KLHL15: variants seen among roughly 807,000 people sequenced by gnomAD.
KLHL15 encodes the protein kelch-like protein 15.
Under a neutral mutation model 29.3 loss-of-function variants are expected in KLHL15, and 1 was observed. The ratio of observed to expected loss-of-function variants is 0.03; its 90% CI spans 0.01 to 0.16. The LOEUF is 0.16. Ranked by LOEUF, KLHL15 falls within the 10% of genes least tolerant of loss-of-function variation. The pLI is 1.00. For missense variants in KLHL15, 215 were observed against 478.5 expected, an observed-to-expected ratio of 0.45 and a Z score of 5.14; for synonymous variants, 212 against 184.5, an observed-to-expected ratio of 1.15 and a Z score of -1.21.
At chrX:24,000,463 A>AAAAT (rs1555975974) in intron 3 of KLHL15, among the ~76,000 whole-genome samples, 39 of 105,573 alleles carry the variant, frequency 3.7e-4, no homozygotes, top group African/African-American at 9.2e-4. Flanking sequence ...ACTCCATCTC[A>AAAAT]AAATAAATAA....
At chrX:24,011,415 G>A (rs1179454372) in intron 2 of KLHL15, among the ~76,000 whole-genome samples, 2 of 110,845 alleles carry the variant, frequency 1.8e-5, no homozygotes, top group Non-Finnish European at 3.8e-5. Flanking sequence ...GGACACCAAG[G>A]TAGGCGGATC....
intron 2 of KLHL15, among the ~76,000 whole-genome samples, chrX:24,016,998 C>G (rs1929700411): frequency 9.1e-6 from 1 of 110,320 alleles, no homozygotes; most frequent in Non-Finnish European, 1.9e-5. Flanking sequence ...GAACTAGTAG[C>G]TAGAAATAAA....
intron 2 of KLHL15, among the ~76,000 whole-genome samples, chrX:24,016,412 C>T (rs1396140586): frequency 6.8e-5 from 7 of 102,424 alleles, no homozygotes; most frequent in Non-Finnish European, 1.2e-4. Flanking sequence ...TGCCTGTAAT[C>T]CCAGCATATT....
At chrX:23,995,143 T>C (rs111831542) in intron 3 of KLHL15, among the ~76,000 whole-genome samples, 1,143 of 111,971 alleles carry the variant, frequency 0.01, 19 homozygotes, top group African/African-American at 0.035. Flanking sequence ...CACACAAATA[T>C]ATAAAGTTGG....
At position 24,009,306 on chromosome X, in the gene KLHL15, T is replaced by C. The variant is rs1023978929; in HGVS notation, c.-7-2606A>G. ...GAAGGTCAGGAGTTTGAGACCAGCC[T>C]GGCCAACATGGTGAAACCCCATCTC... On this transcript the variant is annotated intron_variant, in intron 2 of 3. Coordinates refer to ENST00000328046, the MANE Select transcript of KLHL15 (RefSeq NM_030624.3). Among the ~76,000 whole-genome samples the C allele has an allele frequency of 8.1e-5, 9 of 110,668 alleles. No homozygotes were observed. In the East Asian group the frequency reaches 2.6e-3, roughly 32 times the overall value.
Position 24,024,980 on chromosome X carries a change from G to A in KLHL15, c.-131C>T, listed in dbSNP as rs1929890637. On this transcript the variant is annotated 5_prime_UTR_variant, in exon 2 of 4. Transcript: ENST00000328046. ...CTCGGCAGGCTCCTCGGACGTCTAC[G>A]AGCAGCCGCTCCCGGCACGAGCCGG... is the stretch of plus-strand genomic sequence containing the variant. The A allele has an allele frequency of 3.4e-6, 1 of 297,296 alleles. No individual in the cohort carries two copies. Among genetic ancestry groups the A allele is most frequent in the African/African-American group, 2.7e-5 (1 of 37,028 alleles). The allele number at this position is 297,296 out of a possible 1,213,427, so 24.5% of individuals were successfully genotyped here.
intron 3 of KLHL15, among the ~76,000 whole-genome samples, chrX:23,993,664 C>G (rs1358234265): frequency 9.1e-6 from 1 of 110,199 alleles, no homozygotes; most frequent in African/African-American, 3.3e-5. Flanking sequence ...AAAGCTTCGA[C>G]TGACTATCCT....
chrX:23,988,189 T>C lies in KLHL15; in HGVS notation c.1547A>G (p.Asn516Ser), dbSNP rs1376402704. Residue 516 changes from asparagine (N) to serine (S), a missense_variant, in exon 4 of 4, where the codon AAC (asparagine) becomes AGC (serine). Transcript: ENST00000328046. ...SQGCPSTEVYNPETDQWTILA... is the reference protein window; with the variant it reads ...SQGCPSTEVYSPETDQWTILA... Reference sequence around the variant, plus strand: ...GATGGTCCACTGATCAGTCTCTGGGTTGTATACTTCTGTAGAAGGGCATCC... The same window carrying C: ...GATGGTCCACTGATCAGTCTCTGGGCTGTATACTTCTGTAGAAGGGCATCC... 8.3e-7 allele frequency: 1 copy of C among 1,211,880 alleles called. No homozygotes were observed. The highest frequency in any genetic ancestry group is 2.2e-5 in the Admixed American group (1 of 46,061).
At chrX:24,005,939 C>T in intron 3 of KLHL15, 50 bp downstream of exon 3, 1 of 947,429 alleles carries the variant, frequency 1.1e-6, no homozygotes, top group Middle Eastern at 3.8e-4. Flanking sequence ...AAGACATACA[C>T]TGCCTTAACT....
intron 2 of KLHL15, among the ~76,000 whole-genome samples, chrX:24,013,788 G>GC (rs1412818432): frequency 9.1e-6 from 1 of 110,041 alleles, no homozygotes. Context: ...CGGGAGGATT[G>GC]CTTGAGCCCA....
At chrX:23,990,641 G>C (rs1929063418) in intron 3 of KLHL15, among the ~76,000 whole-genome samples, 1 of 110,966 alleles carries the variant, frequency 9.0e-6, no homozygotes, top group African/African-American at 3.3e-5. Context: ...AAGATGAGCT[G>C]GTTTGGGAGA....
At position 24,009,801 on chromosome X, in the gene KLHL15, C is replaced by T. The variant is rs540792081; in HGVS notation, c.-7-3101G>A. Among the ~76,000 whole-genome samples the T allele has an allele frequency of 4.7e-4, 51 of 108,137 alleles. No homozygotes were observed. The South Asian group carries it at 0.018, about 39-fold the overall frequency. The allele number at this position is 108,137 out of a possible 115,157, so 93.9% of individuals were successfully genotyped here. ...GGTCAGGAGTTCAAGACCAGCCTGG[C>T]CAACATGGAGAAACCTCCTCTCTAC... is the stretch of plus-strand genomic sequence containing the variant. On this transcript the variant is annotated intron_variant, in intron 2 of 3. Coordinates refer to ENST00000328046, the MANE Select transcript of KLHL15 (RefSeq NM_030624.3).
intron 3 of KLHL15, among the ~76,000 whole-genome samples, chrX:23,999,095 G>A (rs1010771038): frequency 1.0e-4 from 11 of 109,393 alleles, no homozygotes; most frequent in Non-Finnish European, 1.5e-4. Context: ...TTTTAGTAGA[G>A]ACGGAGTTTC....
intron 3 of KLHL15, 40 bp from the exon 4 acceptor site, chrX:23,989,070 C>G: frequency 9.2e-7 from 1 of 1,084,753 alleles, no homozygotes; most frequent in Non-Finnish European, 1.2e-6. Flanking sequence ...AAGGAAAAAG[C>G]ATCAGCTGCA....
At chrX:24,008,880 AAAAC>A (rs1197264789) in intron 2 of KLHL15, among the ~76,000 whole-genome samples, 3 of 106,519 alleles carry the variant, frequency 2.8e-5, no homozygotes, top group South Asian at 4.1e-4. Flanking sequence ...AGAAAAAAAA[AAAAC>A]AAAACAAAAA....
chrX:23,991,080 C>T lies in KLHL15; in HGVS notation c.706-2050G>A, dbSNP rs149771973. On this transcript the variant is annotated intron_variant, in intron 3 of 3. Transcript: ENST00000328046. ...AGAGAAAACTAACATTGGCCAGGCA[C>T]GGTGGCTCATGCCTGTAATCTCAGC... is the stretch of plus-strand genomic sequence containing the variant. Among the ~76,000 whole-genome samples the T allele has an allele frequency of 6.1e-3, 677 of 110,093 alleles. 6 individuals carry two copies. Among genetic ancestry groups the T allele is most frequent in the African/African-American group, 0.021 (647 of 30,246 alleles).
intron 1 of KLHL15, among the ~76,000 whole-genome samples, chrX:24,025,370 G>A (rs1167504113): frequency 1.9e-5 from 2 of 105,673 alleles, no homozygotes; most frequent in African/African-American, 3.4e-5. Flanking sequence ...GGGGCGGGGC[G>A]TGCGGGGCCA....
intron 2 of KLHL15, among the ~76,000 whole-genome samples, chrX:24,018,990 C>T (rs889365827): frequency 7.2e-5 from 8 of 111,768 alleles, no homozygotes; most frequent in Non-Finnish European, 1.3e-4. Context: ...CAGAGCAAGA[C>T]TCCTTCTCAA....
chrX:23,997,854 G>A (rs1192283563), intron 3 of KLHL15, among the ~76,000 whole-genome samples: 5 of 108,813 alleles, frequency 4.6e-5, no homozygotes, highest in African/African-American at 1.3e-4. Context: ...TGAGGCGGGA[G>A]GACGGCTTGA....
Sources: allele counts gnomAD v4.1 joint callset (sites outside exome capture counted in the v4.1 genomes callset), GRCh38; gene constraint gnomAD v4.1.1; transcripts MANE v1.5; gene names NCBI Gene and HGNC (gene_info 2026-07-23, HGNC 2026-07-21).